DDAH1: variants seen among roughly 807,000 people sequenced by gnomAD.
The protein encoded by DDAH1 is N(G),N(G)-dimethylarginine dimethylaminohydrolase 1.
Under a neutral mutation model 28.8 loss-of-function variants are expected in DDAH1, and 19 were observed. The ratio of observed to expected loss-of-function variants is 0.66; its 90% CI spans 0.46 to 0.97. DDAH1 has a LOEUF of 0.97. Among genes scored for constraint, DDAH1 ranks in the 50% least tolerant of loss-of-function variants. DDAH1 has a pLI of 0.00. For synonymous variants in DDAH1, 153 were observed against 154.4 expected (o/e 0.99, Z 0.07); for missense variants, 326 against 375.9 (o/e 0.87, Z 1.10).
Position 85,343,075 on chromosome 1 carries a change from A to G in DDAH1, c.597+7340T>C, listed in dbSNP as rs233073. Among the ~76,000 whole-genome samples, 1,471 of 152,278 alleles carry G rather than the reference A, an allele frequency of 9.7e-3. 27 individuals are homozygous for G. Among genetic ancestry groups the G allele is most frequent in the African/African-American group, 0.034 (1,406 of 41,556 alleles). On this transcript the variant is annotated intron_variant, in intron 4 of 5. Coordinates refer to ENST00000284031, the MANE Select transcript of DDAH1 (RefSeq NM_012137.4). ...CATCCAACAGATGATTACCCCTACA[A>G]TATCCTATAGAGTCAGTTTAATACT...
chr1:85,489,731 G>A (rs1045823269), intron 2 of DDAH1, among the ~76,000 whole-genome samples: 3 of 151,986 alleles, frequency 2.0e-5, no homozygotes, highest in African/African-American at 7.3e-5. Flanking sequence ...AAGGTAATGA[G>A]GTTACAAAAA....
intron 1 of DDAH1, among the ~76,000 whole-genome samples, chr1:85,443,191 A>G (rs1570550919): frequency 1.3e-5 from 2 of 152,126 alleles, no homozygotes; most frequent in Non-Finnish European, 2.9e-5. Flanking sequence ...TCCATCTTGA[A>G]TTAATTTTTG....
chr1:85,350,387 T>C (rs919181752), intron 4 of DDAH1, 28 bp downstream of exon 4: 20 of 1,605,460 alleles, frequency 1.2e-5, no homozygotes, highest in Non-Finnish European at 1.6e-5. Context: ...CCCCACTACA[T>C]TTAGAAGGAG....
intron 1 of DDAH1, among the ~76,000 whole-genome samples, chr1:85,557,009 C>T (rs909236156): frequency 2.6e-5 from 4 of 152,078 alleles, no homozygotes; most frequent in African/African-American, 9.7e-5. Flanking sequence ...ACCAGCTAAT[C>T]AGGAGGCTGA....
At chr1:85,403,698 T>C (rs775075820) in intron 1 of DDAH1, among the ~76,000 whole-genome samples, 4 of 152,132 alleles carry the variant, frequency 2.6e-5, no homozygotes, top group Non-Finnish European at 2.9e-5. Context: ...AAAGAAAAAA[T>C]ATATAGTCTA....
chr1:85,346,914 T>C (rs2100834390), intron 4 of DDAH1, among the ~76,000 whole-genome samples: 1 of 151,858 alleles, frequency 6.6e-6, no homozygotes, highest in Non-Finnish European at 1.5e-5. Context: ...CAAACAAACT[T>C]ACAAGAAAAA....
chr1:85,450,654 C>A (rs1227064815), intron 1 of DDAH1, among the ~76,000 whole-genome samples: 5 of 152,140 alleles, frequency 3.3e-5, no homozygotes, highest in Admixed American at 6.5e-5. Flanking sequence ...GATCTTCATG[C>A]ATCCTTGGGA....
chr1:85,570,045 C>T (rs1659407683), intron 1 of DDAH1, among the ~76,000 whole-genome samples: 1 of 152,148 alleles, frequency 6.6e-6, no homozygotes, highest in Non-Finnish European at 1.5e-5. Flanking sequence ...ATTTGGAGGG[C>T]ACATCTCAGT....
At chr1:85,538,259 C>G (rs1355809793) in intron 1 of DDAH1, among the ~76,000 whole-genome samples, 1 of 152,148 alleles carries the variant, frequency 6.6e-6, no homozygotes, top group Non-Finnish European at 1.5e-5. Context: ...TTCAAGGACC[C>G]TGAATGGTAT....
At chr1:85,562,561 T>C (rs1659171075) in intron 1 of DDAH1, among the ~76,000 whole-genome samples, 3 of 152,064 alleles carry the variant, frequency 2.0e-5, no homozygotes, top group African/African-American at 7.3e-5. Flanking sequence ...CCTAATCCAA[T>C]GACTGGTACC....
intron 1 of DDAH1, among the ~76,000 whole-genome samples, chr1:85,501,679 G>T (rs1656826435): frequency 6.6e-6 from 1 of 152,110 alleles, no homozygotes; most frequent in Non-Finnish European, 1.5e-5. Context: ...AAAAAGACAA[G>T]GTGACCAAGG....
At chr1:85,391,190 A>C (rs747836516) in intron 1 of DDAH1, among the ~76,000 whole-genome samples, 10 of 152,208 alleles carry the variant, frequency 6.6e-5, no homozygotes, top group Non-Finnish European at 1.2e-4. Context: ...TTTCTTTATA[A>C]GAAAAACCAC....
intron 2 of DDAH1, among the ~76,000 whole-genome samples, chr1:85,481,677 G>C (rs1317036236): frequency 6.6e-6 from 1 of 152,114 alleles, no homozygotes; most frequent in Non-Finnish European, 1.5e-5. Context: ...TTTCTTCCTA[G>C]AGGCAGTTAC....
chr1:85,446,563 T>C (rs1654435012), intron 1 of DDAH1, among the ~76,000 whole-genome samples: 1 of 152,156 alleles, frequency 6.6e-6, no homozygotes, highest in South Asian at 2.1e-4. Flanking sequence ...ATCATGTCCA[T>C]TCCAAGTCCT....
intron 1 of DDAH1, among the ~76,000 whole-genome samples, chr1:85,430,591 G>A (rs1214596060): frequency 6.6e-6 from 1 of 152,098 alleles, no homozygotes; most frequent in Non-Finnish European, 1.5e-5. Flanking sequence ...GTGGTTTGTA[G>A]TTCTCCTTGA....
At chr1:85,471,219 C>T (rs550280254) in intron 2 of DDAH1, among the ~76,000 whole-genome samples, 3 of 152,300 alleles carry the variant, frequency 2.0e-5, no homozygotes, top group East Asian at 1.9e-4. Flanking sequence ...CTTCTGCTGG[C>T]GGCCCCTATT....
At chr1:85,374,962 C>A (rs1464087529) in intron 1 of DDAH1, among the ~76,000 whole-genome samples, 1 of 152,018 alleles carries the variant, frequency 6.6e-6, no homozygotes, top group East Asian at 1.9e-4. Context: ...GAGATACAGA[C>A]TTTTATGGTG....
At position 85,382,885 on chromosome 1, in the gene DDAH1, T is replaced by C. The variant is rs540550033; in HGVS notation, c.304-24038A>G. On this transcript the variant is annotated intron_variant, in intron 1 of 5. Coordinates refer to ENST00000284031, the MANE Select transcript of DDAH1 (RefSeq NM_012137.4). ...TCTGTTTACAGCATGGTTTGCTGAA[T>C]ATTTTAAGCCCACTGTTGAGACCTA... 5.3e-4 allele frequency among the ~76,000 whole-genome samples: 81 copies of C among 152,344 alleles called. 1 individual carries two copies. The highest frequency in any genetic ancestry group is 1.9e-3 in the African/African-American group (77 of 41,584).
At chr1:85,476,116 C>T (rs1428645614) in intron 2 of DDAH1, among the ~76,000 whole-genome samples, 1 of 152,212 alleles carries the variant, frequency 6.6e-6, no homozygotes. Context: ...TCTGCCTCAA[C>T]CTCCCAAAGT....
Sources: allele counts gnomAD v4.1 joint callset (sites outside exome capture counted in the v4.1 genomes callset), GRCh38; gene constraint gnomAD v4.1.1; transcripts MANE v1.5; gene names NCBI Gene and HGNC (gene_info 2026-07-23, HGNC 2026-07-21).